S100A16: variants seen among roughly 807,000 people sequenced by gnomAD.
The protein encoded by S100A16 is S100 calcium binding protein A16, also known as protein S100-A16.
S100A16 carries 8 observed loss-of-function variants against 9.0 expected under a neutral mutation model. The observed-to-expected ratio is 0.89, with a 90% confidence interval of 0.52 to 1.60. The LOEUF is 1.60. S100A16 is among the 40% of genes most tolerant of loss of function. The probability of loss-of-function intolerance (pLI) is 0.00; values close to 1 mark genes in which losing one functional copy is unlikely to be tolerated. For missense variants in S100A16, 138 were observed against 132.4 expected, an observed-to-expected ratio of 1.04 and a Z score of -0.21; for synonymous variants, 51 against 51.4, an observed-to-expected ratio of 0.99 and a Z score of 0.04.
In S100A16 at chr1:153,607,125, T is replaced by TTGC; in HGVS notation, c.*406_*408dup. The stretch of plus-strand genomic sequence containing the variant: ...GCTGCTGCTGCTGCTGCTGCTGCTG[T>TTGC]TGCTGCTACCACTGCCACCAAGAGC... On this transcript the variant is annotated 3_prime_UTR_variant, in exon 3 of 3. Transcript: ENST00000368706. 2 of 447,706 alleles carry TTGC rather than the reference T, an allele frequency of 4.5e-6. No individual in the cohort carries two copies. Among genetic ancestry groups the TTGC allele is most frequent in the South Asian group, 3.2e-5 (2 of 62,110 alleles). The allele number at this position is 447,706 out of a possible 1,614,324, so 27.7% of individuals were successfully genotyped here. A position where few individuals can be genotyped will look rare whatever the true frequency, so the allele number is the denominator to read the frequency against.
Position 153,608,172 on chromosome 1 carries a change from CGGGGCCTG to C in S100A16, c.-26-3_-22del, listed in dbSNP as rs777893072. 1.7e-4 allele frequency: 270 copies of C among 1,611,548 alleles called. 3 individuals carry two copies. In the South Asian group the frequency reaches 2.7e-3, roughly 16 times the overall value. On this transcript the variant is annotated splice_acceptor_variant and splice_polypyrimidine_tract_variant and 5_prime_UTR_variant and intron_variant, in exon 2 of 3. Coordinates refer to ENST00000368706, the MANE Select transcript of S100A16 (RefSeq NM_080388.3). LOFTEE classifies it low-confidence loss of function (5UTR_SPLICE). ...GACATCTCCCTGCTTCGCCTGCTGG[CGGGGCCTG>C]GACACCAGGAGGAGGGGAGATGAGA...
At chr1:153,611,951 A>ACACACACACACACC (rs1459742210) in intron 1 of S100A16, among the ~76,000 whole-genome samples, 1 of 147,270 alleles carries the variant, frequency 6.8e-6, no homozygotes, top group Non-Finnish European at 1.5e-5. Flanking sequence ...ACACACACAC[A>ACACACACACACACC]CCGAGCAAGG....
intron 1 of S100A16, among the ~76,000 whole-genome samples, chr1:153,611,479 A>G (rs1429843562): frequency 6.6e-6 from 1 of 151,898 alleles, no homozygotes; most frequent in Non-Finnish European, 1.5e-5. Context: ...AAGCCTAAGT[A>G]TGGATTCTCT....
chr1:153,608,421 C>T (rs1666752101), intron 1 of S100A16: 1 of 453,342 alleles, frequency 2.2e-6, no homozygotes, highest in Middle Eastern at 6.0e-4. Flanking sequence ...CAGGCCCTGC[C>T]CCAGCCCCAG....
At position 153,607,575 on chromosome 1, in the gene S100A16, C is replaced by G. The variant is rs201595733; in HGVS notation, c.271G>C (p.Ala91Pro). 1.2e-6 allele frequency: 2 copies of G among 1,614,192 alleles called. No individual in the cohort carries two copies. The highest frequency in any genetic ancestry group is 1.3e-5 in the African/African-American group (1 of 75,052). ...TGCTCCTGCTCATGGATGAGTTTGG[C>G]GATGGGGCCGGTGATGCCGCCTATC... The part of the protein sequence containing the change: ...TLIGGITGPI[A>P]KLIHEQEQQS... Residue 91 changes from alanine to proline, a missense_variant, in exon 3 of 3, where the codon GCC becomes CCC. Physicochemically the swap from Ala to Pro is conservative, Grantham distance 27. Transcript: ENST00000368706.
chr1:153,607,526 A>C lies in S100A16; in HGVS notation c.*8T>G. 1 of 1,614,028 alleles carries C rather than the reference A, an allele frequency of 6.2e-7. No homozygotes were observed. The highest frequency in any genetic ancestry group is 1.1e-5 in the South Asian group (1 of 91,076). On this transcript the variant is annotated 3_prime_UTR_variant, in exon 3 of 3. Coordinates refer to ENST00000368706, the MANE Select transcript of S100A16 (RefSeq NM_080388.3). ...GCCAGTGCCTGGAAGGTGTGGCCAA[A>C]GGGGTCTCTAGCTGCTGCTCTGCTG...
intron 1 of S100A16, among the ~76,000 whole-genome samples, chr1:153,610,593 A>G (rs1428986031): frequency 5.3e-5 from 8 of 152,176 alleles, no homozygotes; most frequent in Admixed American, 2.0e-4. Flanking sequence ...CCAGAGCGGG[A>G]GCTCCAGTGC....
intron 1 of S100A16, chr1:153,609,307 A>T: frequency 1.0e-6 from 1 of 985,988 alleles, no homozygotes. Flanking sequence ...CTGTCCTGCC[A>T]CCTGCTTTCC....
At chr1:153,612,042 C>A (rs1666848288) in intron 1 of S100A16, among the ~76,000 whole-genome samples, 1 of 152,022 alleles carries the variant, frequency 6.6e-6, no homozygotes, top group South Asian at 2.1e-4. Flanking sequence ...AAGAAGCCAG[C>A]CTCTGAAATT....
At chr1:153,609,489 C>T (rs1017139152) in intron 1 of S100A16, 12 of 401,734 alleles carry the variant, frequency 3.0e-5, no homozygotes, top group Non-Finnish European at 4.0e-5. Context: ...CATCACCACT[C>T]AGCTAGCACT....
rs758514647 is a variant in S100A16 at position 153,607,595 on chromosome 1, C to T, written c.251G>A (p.Gly84Asp). Residue 84 changes from glycine to aspartate, a missense_variant, in exon 3 of 3, where the codon GGC becomes GAC. Gly to Asp is a moderately conservative substitution (Grantham distance 94). Transcript: ENST00000368706. ...TTTGGCGATGGGGCCGGTGATGCCG[C>T]CTATCAAGGTCCAGTACTCATCGAA... ...ISFDEYWTLI[G>D]GITGPIAKLI... The T allele has an allele frequency of 1.9e-6, 3 of 1,614,202 alleles. No individual in the cohort carries two copies. The highest frequency in any genetic ancestry group is 2.2e-5 in the East Asian group (1 of 44,884).
intron 1 of S100A16, among the ~76,000 whole-genome samples, chr1:153,612,000 A>G (rs1333384016): frequency 6.7e-6 from 1 of 150,162 alleles, no homozygotes; most frequent in Non-Finnish European, 1.5e-5. Context: ...TGGGTGACCC[A>G]TCACCCTTCC....
intron 1 of S100A16, chr1:153,609,105 C>G: frequency 1.0e-6 from 1 of 985,746 alleles, no homozygotes; most frequent in Non-Finnish European, 1.2e-6. Context: ...CCAAAACCCC[C>G]CCACATCAAC....
Position 153,607,340 on chromosome 1 carries a change from AC to A in S100A16, c.*193del, listed in dbSNP as rs141728041. On this transcript the variant is annotated 3_prime_UTR_variant, in exon 3 of 3. Transcript: ENST00000368706. Reference sequence around the variant, plus strand: ...AGGGCCTGCGACTCCAGGAGCTGAGACCCCCCAGGGAGGGAGGTACCTCTAG... The same window carrying A: ...AGGGCCTGCGACTCCAGGAGCTGAGACCCCCAGGGAGGGAGGTACCTCTAG... 2.2e-3 allele frequency: 1,505 copies of A among 669,372 alleles called. 16 individuals carry two copies. The African/African-American group carries it at 0.025, about 11-fold the overall frequency. 41.5% of individuals were successfully genotyped at this position (669,372 alleles called of 1,614,324 possible).
chr1:153,609,305 C>A lies in S100A16; in HGVS notation c.-26-1128G>T, dbSNP rs1666782282. On this transcript the variant is annotated intron_variant, in intron 1 of 2. Coordinates refer to ENST00000368706, the MANE Select transcript of S100A16 (RefSeq NM_080388.3). Reference sequence around the variant, plus strand: ...GGCCCCACCACAGCCTCCTGTCCTGCCACCTGCTTTCCGTTGGCCACTTGT... The same window carrying A: ...GGCCCCACCACAGCCTCCTGTCCTGACACCTGCTTTCCGTTGGCCACTTGT... 4 of 985,936 alleles carry A rather than the reference C, an allele frequency of 4.1e-6. No homozygotes were observed. In the African/African-American group the frequency reaches 7.0e-5, roughly 17 times the overall value. 61.1% of individuals were successfully genotyped at this position (985,936 alleles called of 1,614,324 possible).
At chr1:153,612,719 G>A (rs561311627) in intron 1 of S100A16, among the ~76,000 whole-genome samples, 1 of 152,128 alleles carries the variant, frequency 6.6e-6, no homozygotes, top group Admixed American at 6.5e-5. Context: ...CAGGGAGGGG[G>A]TCTCACCATC....
At chr1:153,607,756 C>G in intron 2 of S100A16, 64 bp from the exon 3 acceptor site, 1 of 1,591,504 alleles carries the variant, frequency 6.3e-7, no homozygotes, top group Non-Finnish European at 8.6e-7. Context: ...CAGGCAGGAC[C>G]CTAGGCAGAG....
At chr1:153,608,969 A>G (rs1010949087) in intron 1 of S100A16, 50 of 985,670 alleles carry the variant, frequency 5.1e-5, no homozygotes, top group South Asian at 1.4e-4. Context: ...AGACTGCCAG[A>G]GGGCACATGC....
rs998960878 is a variant in S100A16, at chr1:153,608,256, C to G, written c.-26-79G>C. 39 of 1,240,186 alleles carry G rather than the reference C, an allele frequency of 3.1e-5. No homozygotes were observed. The East Asian group carries it at 7.6e-4, about 24-fold the overall frequency. The allele number at this position is 1,240,186 out of a possible 1,614,324, so 76.8% of individuals were successfully genotyped here. A position where few individuals can be genotyped will look rare whatever the true frequency, so the allele number is the denominator to read the frequency against. ...TCCTCCTCCACACCCACCCTAGGCCCTGGGTCCCTCCTCCTGCCTTGTTTC... is the reference window on the plus strand; with the variant it reads ...TCCTCCTCCACACCCACCCTAGGCCGTGGGTCCCTCCTCCTGCCTTGTTTC... On this transcript the variant is annotated intron_variant, in intron 1 of 2. Transcript: ENST00000368706.
Sources: allele counts gnomAD v4.1 joint callset (sites outside exome capture counted in the v4.1 genomes callset), GRCh38; gene constraint gnomAD v4.1.1; transcripts MANE v1.5; gene names NCBI Gene and HGNC (gene_info 2026-07-23, HGNC 2026-07-21).